Variants in KPNA7 observed in about 807,000 individuals in gnomAD.
KPNA7 encodes karyopherin subunit alpha 7.
Under a neutral mutation model 53.7 loss-of-function variants are expected in KPNA7, and 54 were observed. The ratio of observed to expected loss-of-function variants is 1.01; its 90% CI spans 0.81 to 1.26. The LOEUF is 1.26. Among genes scored for constraint, KPNA7 ranks in the 50% most tolerant of loss-of-function variants. KPNA7 has a pLI of 0.00. For missense variants in KPNA7, 640 were observed against 644.5 expected (o/e 0.99, Z 0.07); for synonymous variants, 276 against 259.3 (o/e 1.06, Z -0.62).
the KPNA7 span, among the ~76,000 whole-genome samples, chr7:99,167,464 A>T: frequency 4.6e-5 from 7 of 151,670 alleles, no homozygotes; most frequent in African/African-American, 1.7e-4. Context: ...TAGACTGCAT[A>T]CTCCTCAGAA....
chr7:99,164,283 A>G, the KPNA7 span, among the ~76,000 whole-genome samples: 2 of 151,948 alleles, frequency 1.3e-5, no homozygotes, highest in African/African-American at 4.8e-5. Flanking sequence ...TGTGGCACAT[A>G]TACACCATGG....
intron 3 of KPNA7, among the ~76,000 whole-genome samples, chr7:99,200,429 C>T (rs1474216271): frequency 1.3e-5 from 2 of 152,122 alleles, no homozygotes; most frequent in African/African-American, 2.4e-5. Flanking sequence ...ATCTCAAAAT[C>T]CTTAATTTAA....
chr7:99,152,367 A>G, the KPNA7 span, among the ~76,000 whole-genome samples: 2 of 151,922 alleles, frequency 1.3e-5, no homozygotes, highest in Non-Finnish European at 2.9e-5. Context: ...CAAAAAAAAA[A>G]AGAAAAAGAA....
chr7:99,210,339 C>A (rs189961416), upstream of KPNA7, among the ~76,000 whole-genome samples: 1 of 152,312 alleles, frequency 6.6e-6, no homozygotes, highest in Admixed American at 6.5e-5. Flanking sequence ...TTCTTCTCAG[C>A]TTTAACCACT....
intron 6 of KPNA7, among the ~76,000 whole-genome samples, chr7:99,191,110 A>G (rs1789925890): frequency 6.6e-6 from 1 of 151,780 alleles, no homozygotes; most frequent in South Asian, 2.1e-4. Context: ...TCACGTCTAG[A>G]ATGGCTATGT....
chr7:99,182,070 A>G lies in KPNA7; in HGVS notation c.1135-5T>C. 1 of 1,524,734 alleles carries G rather than the reference A, an allele frequency of 6.6e-7. No homozygotes were observed. 94.5% of individuals were successfully genotyped at this position (1,524,734 alleles called of 1,614,324 possible). On this transcript the variant is annotated splice_polypyrimidine_tract_variant and splice_region_variant and intron_variant, in intron 8 of 10. Coordinates refer to ENST00000327442, the MANE Select transcript of KPNA7 (RefSeq NM_001145715.3). ...TTTCTGGACTTTAAATTCTCCCTGC[A>G]GAACAAGAATGTTTCCATTCTCTAC...
the KPNA7 span, among the ~76,000 whole-genome samples, chr7:99,152,782 C>T: frequency 6.6e-6 from 1 of 152,276 alleles, no homozygotes; most frequent in African/African-American, 2.4e-5. Context: ...TTTTAGACAT[C>T]GCAATCTGCT....
intron 9 of KPNA7, among the ~76,000 whole-genome samples, chr7:99,178,404 A>T (rs909751541): frequency 6.6e-6 from 1 of 152,034 alleles, no homozygotes; most frequent in African/African-American, 2.4e-5. Flanking sequence ...CCTCGTCTCT[A>T]CTAAAAATAC....
intron 10 of KPNA7, among the ~76,000 whole-genome samples, chr7:99,177,684 A>G (rs28451777): frequency 0.023 from 3,483 of 151,822 alleles, 134 homozygotes; most frequent in African/African-American, 0.08. Flanking sequence ...AGAGGCAGCC[A>G]GACAAGCTCC....
chr7:99,188,032 G>A lies in KPNA7; in HGVS notation c.900+268C>T, dbSNP rs534040209. On this transcript the variant is annotated intron_variant, in intron 7 of 10. Coordinates refer to ENST00000327442, the MANE Select transcript of KPNA7 (RefSeq NM_001145715.3). Reference sequence around the variant, plus strand: ...CCCTACTAAAAATACAAAATGAGCCGGGCGTGGTCGTTGGCATCTATAATC... The same window carrying A: ...CCCTACTAAAAATACAAAATGAGCCAGGCGTGGTCGTTGGCATCTATAATC... Among the ~76,000 whole-genome samples the A allele has an allele frequency of 7.3e-5, 11 of 151,172 alleles. No homozygotes were observed. The South Asian group carries it at 8.4e-4, about 12-fold the overall frequency.
At chr7:99,175,190 T>C (rs1031103041) in intron 10 of KPNA7, among the ~76,000 whole-genome samples, 7 of 152,158 alleles carry the variant, frequency 4.6e-5, no homozygotes, top group African/African-American at 1.7e-4. Context: ...ATTCTAGGTC[T>C]GGTCTCCTTT....
At chr7:99,176,867 C>A in intron 10 of KPNA7, among the ~76,000 whole-genome samples, 1 of 151,980 alleles carries the variant, frequency 6.6e-6, no homozygotes, top group East Asian at 1.9e-4. Flanking sequence ...GGTGACAGAG[C>A]AGGACCCTGT....
At chr7:99,217,999 G>C (rs1262291351) in intron 1 of KPNA7, among the ~76,000 whole-genome samples, 1 of 151,852 alleles carries the variant, frequency 6.6e-6, no homozygotes. Flanking sequence ...GGGGATTCCA[G>C]ACTTCAGTTT....
chr7:99,190,206 A>T (rs1214289746), intron 6 of KPNA7, among the ~76,000 whole-genome samples: 1 of 151,874 alleles, frequency 6.6e-6, no homozygotes, highest in Admixed American at 6.6e-5. Flanking sequence ...GCGGGGTGGC[A>T]TGTGCCTGTA....
the KPNA7 span, among the ~76,000 whole-genome samples, chr7:99,155,493 T>C: frequency 6.6e-6 from 1 of 152,134 alleles, no homozygotes; most frequent in African/African-American, 2.4e-5. Flanking sequence ...GGAGTTTTCT[T>C]ACACATTTTT....
Position 99,203,871 on chromosome 7 carries a change from C to T in KPNA7, c.67-631G>A, listed in dbSNP as rs924752013. ...GATTACAGGCATGTGTCACCACACT[C>T]GGCTATGTTTTATATTTTTAGTAGA... On this transcript the variant is annotated intron_variant, in intron 2 of 10. Transcript: ENST00000327442. Among the ~76,000 whole-genome samples, 8 of 152,018 alleles carry T rather than the reference C, an allele frequency of 5.3e-5. No homozygotes were observed. The South Asian group carries it at 6.3e-4, about 12-fold the overall frequency.
chr7:99,162,908 C>T, the KPNA7 span, among the ~76,000 whole-genome samples: 2 of 152,026 alleles, frequency 1.3e-5, no homozygotes, highest in East Asian at 1.9e-4. Flanking sequence ...AGGCTGGACA[C>T]GGTAGCTCAC....
downstream of KPNA7, among the ~76,000 whole-genome samples, chr7:99,171,472 C>G (rs995911380): frequency 7.9e-5 from 12 of 152,236 alleles, no homozygotes; most frequent in South Asian, 4.1e-4. Context: ...GATGGGGTCT[C>G]ACTTCATAGC....
the KPNA7 span, among the ~76,000 whole-genome samples, chr7:99,159,758 CAA>C: frequency 5.9e-5 from 9 of 152,298 alleles, no homozygotes; most frequent in Middle Eastern, 3.4e-3. Context: ...ATTCAATGCT[CAA>C]GTTTCCAATT....
Sources: allele counts gnomAD v4.1 joint callset (sites outside exome capture counted in the v4.1 genomes callset), GRCh38; gene constraint gnomAD v4.1.1; transcripts MANE v1.5; gene names NCBI Gene and HGNC (gene_info 2026-07-23, HGNC 2026-07-21).